Variants in RASAL2 observed in about 807,000 individuals in gnomAD.
The protein encoded by RASAL2 is ras GTPase-activating protein nGAP.
In RASAL2, 58 loss-of-function variants were observed where a neutral mutation model predicts 128.9. The observed-to-expected ratio is 0.45, with a 90% CI of 0.36 to 0.56. RASAL2 has a LOEUF of 0.56. RASAL2 is among the 20% of genes least tolerant of loss of function. The pLI, the probability that RASAL2 is intolerant of heterozygous loss-of-function variation, is 0.00. For synonymous variants in RASAL2, 561 were observed against 580.8 expected, an observed-to-expected ratio of 0.97 and a Z score of 0.49; for missense variants, 1,360 against 1,601.6, an observed-to-expected ratio of 0.85 and a Z score of 2.57.
Position 178,451,626 on chromosome 1 carries a change from C to G in RASAL2, c.1683C>G (p.Ser561Arg), listed in dbSNP as rs1390270172. ...ESDENCEVDP[S>R]KCSSSELIDH... is the part of the protein sequence containing the mutation. ...ATGAGAACTGTGAAGTGGATCCCAG[C>G]AAATGTTCATCTAGTGAACTGATAG... The change falls in exon 10 of 18, where the codon AGC becomes AGG. Residue 561 changes from serine (S) to arginine (R), a missense_variant. Coordinates refer to ENST00000367649, the MANE Select transcript of RASAL2 (RefSeq NM_170692.4). 1.9e-6 allele frequency: 3 copies of G among 1,613,718 alleles called. No homozygotes were observed. The African/African-American group carries it at 4.0e-5, about 22-fold the overall frequency.
rs188266491 is a variant in RASAL2, at chr1:178,447,175, A to G, written c.1627+1513A>G. Reference sequence around the variant, plus strand: ...TAGCAGACTGATTAAGACGAGTTGTATCCAGGCATGGTGGCTCACATCTAT... The same window carrying G: ...TAGCAGACTGATTAAGACGAGTTGTGTCCAGGCATGGTGGCTCACATCTAT... On this transcript the variant is annotated intron_variant, in intron 9 of 17. Transcript: ENST00000367649. Among the ~76,000 whole-genome samples the G allele has an allele frequency of 3.6e-3, 550 of 152,260 alleles. 4 individuals carry two copies. Among genetic ancestry groups the G allele is most frequent in the Middle Eastern group, 0.031 (9 of 294 alleles).
At chr1:178,117,227 T>A (rs946999348) in intron 1 of RASAL2, among the ~76,000 whole-genome samples, 3 of 145,526 alleles carry the variant, frequency 2.1e-5, no homozygotes, top group African/African-American at 8.1e-5. Context: ...TAATTGATAC[T>A]GTTGTAAATA....
At chr1:178,161,006 G>T (rs1309309198) in intron 1 of RASAL2, among the ~76,000 whole-genome samples, 1 of 151,586 alleles carries the variant, frequency 6.6e-6, no homozygotes. Context: ...CTTCCTCTTT[G>T]TTCCACATAG....
At chr1:178,383,743 C>T (rs73035291) in intron 3 of RASAL2, among the ~76,000 whole-genome samples, 2 of 152,142 alleles carry the variant, frequency 1.3e-5, no homozygotes, top group East Asian at 3.8e-4. Flanking sequence ...AAGAAGAACC[C>T]TCCTAATTCA....
chr1:178,348,540 C>T (rs1221545805), intron 3 of RASAL2, among the ~76,000 whole-genome samples: 1 of 152,172 alleles, frequency 6.6e-6, no homozygotes, highest in African/African-American at 2.4e-5. Context: ...CTCAAGCAGC[C>T]CTCCCATCTT....
At chr1:178,197,322 G>A (rs1662692188) in intron 1 of RASAL2, among the ~76,000 whole-genome samples, 1 of 152,154 alleles carries the variant, frequency 6.6e-6, no homozygotes, top group African/African-American at 2.4e-5. Flanking sequence ...TGGGCTTGGT[G>A]GCTCACGTCT....
At chr1:178,305,035 A>G (rs532322734) in intron 3 of RASAL2, among the ~76,000 whole-genome samples, 2 of 152,330 alleles carry the variant, frequency 1.3e-5, no homozygotes, top group South Asian at 4.1e-4. Context: ...AAGAAATTTA[A>G]AAAGTAATCC....
At chr1:178,350,387 ATTTTT>A (rs1670399749) in intron 3 of RASAL2, among the ~76,000 whole-genome samples, 1 of 152,028 alleles carries the variant, frequency 6.6e-6, no homozygotes, top group Admixed American at 6.5e-5. Context: ...CACCTGGCTA[ATTTTT>A]TGTTTTGTTT....
intron 1 of RASAL2, among the ~76,000 whole-genome samples, chr1:178,211,980 G>A (rs968019395): frequency 6.6e-6 from 1 of 152,164 alleles, no homozygotes; most frequent in African/African-American, 2.4e-5. Context: ...GTCAGTTGAG[G>A]TCCCTGAATG....
intron 3 of RASAL2, among the ~76,000 whole-genome samples, chr1:178,365,627 A>G (rs1023508975): frequency 4.6e-5 from 7 of 152,040 alleles, no homozygotes; most frequent in Admixed American, 6.6e-5. Context: ...ACGCACCACT[A>G]TGCCCAGGTA....
At position 178,443,046 on chromosome 1, in the gene RASAL2, G is replaced by C. The variant is rs35191496; in HGVS notation, c.1299G>C (p.Arg433=). 1.2e-5 allele frequency: 19 copies of C among 1,613,926 alleles called. No homozygotes were observed. The South Asian group carries it at 1.6e-4, about 14-fold the overall frequency. The change falls in exon 8 of 18, where the codon CGG becomes CGC. Residue 433 remains arginine, a synonymous_variant. Coordinates refer to ENST00000367649, the MANE Select transcript of RASAL2 (RefSeq NM_170692.4). ...NKGKTGGPSI[R]IKSRFQTITI... is the part of the protein sequence containing the mutation. ...GAAAGACAGGAGGACCTTCTATTCG[G>C]ATTAAATCACGTTTCCAAACTATCA...
At chr1:178,311,137 T>A (rs1668224909) in intron 3 of RASAL2, among the ~76,000 whole-genome samples, 1 of 152,074 alleles carries the variant, frequency 6.6e-6, no homozygotes, top group Admixed American at 6.6e-5. Flanking sequence ...CACAAGCATC[T>A]AATTATACTC....
At chr1:178,150,741 C>A (rs894559381) in intron 1 of RASAL2, among the ~76,000 whole-genome samples, 1 of 152,068 alleles carries the variant, frequency 6.6e-6, no homozygotes. Context: ...TTATTTTTAA[C>A]CCCCAAATCA....
rs1471973725 is a variant in RASAL2, at chr1:178,478,283, A to ATG, written c.*5047_*5048dup. 6.6e-6 allele frequency: 1 copy of ATG among 152,068 alleles called. No homozygotes were observed. The highest frequency in any genetic ancestry group is 1.5e-5 in the Non-Finnish European group (1 of 68,012). 9.4% of individuals were successfully genotyped at this position (152,068 alleles called of 1,614,324 possible). Reference sequence around the variant, plus strand: ...GATATTTATGTGTAAATATCATTTTATGTGATTTCCAAATTTTCGAGGGAA... The same window carrying ATG: ...GATATTTATGTGTAAATATCATTTTATGTGTGATTTCCAAATTTTCGAGGGAA... On this transcript the variant is annotated 3_prime_UTR_variant, in exon 18 of 18. Coordinates refer to ENST00000367649, the MANE Select transcript of RASAL2 (RefSeq NM_170692.4).
At chr1:178,394,468 T>C (rs1373402950) in intron 4 of RASAL2, among the ~76,000 whole-genome samples, 1 of 152,240 alleles carries the variant, frequency 6.6e-6, no homozygotes, top group Non-Finnish European at 1.5e-5. Flanking sequence ...CAGGCTTTTT[T>C]CTTTATACTC....
intron 1 of RASAL2, among the ~76,000 whole-genome samples, chr1:178,273,485 A>G (rs538869461): frequency 2.6e-5 from 4 of 152,318 alleles, no homozygotes; most frequent in African/African-American, 9.6e-5. Context: ...TGATGTATAT[A>G]CTATGTATAA....
intron 1 of RASAL2, among the ~76,000 whole-genome samples, chr1:178,154,377 G>T (rs1007879894): frequency 2.0e-5 from 3 of 151,990 alleles, no homozygotes; most frequent in Admixed American, 1.3e-4. Context: ...TTGAACTCCC[G>T]GGCTCAAGCA....
intron 1 of RASAL2, among the ~76,000 whole-genome samples, chr1:178,096,490 G>GTGTA (rs1553249687): frequency 6.9e-6 from 1 of 145,574 alleles, no homozygotes; most frequent in Non-Finnish European, 1.5e-5. Context: ...GTGTGTGTAA[G>GTGTA]AGAGAGAGAG....
At chr1:178,442,011 G>A (rs1572081083) in intron 7 of RASAL2, among the ~76,000 whole-genome samples, 1 of 152,034 alleles carries the variant, frequency 6.6e-6, no homozygotes, top group South Asian at 2.1e-4. Context: ...GAGAGTGTGT[G>A]TGTGAGTGAC....
Sources: gnomAD v4.1 joint callset for allele counts (sites outside exome capture counted in the v4.1 genomes callset) on GRCh38, gnomAD v4.1.1 for gene constraint, MANE v1.5 for transcripts, NCBI Gene and HGNC (gene_info 2026-07-23, HGNC 2026-07-21) for gene names.